PRUNE1: variants seen among roughly 807,000 people sequenced by gnomAD.
The protein encoded by PRUNE1 is prune exopolyphosphatase 1.
In PRUNE1, 25 loss-of-function variants were observed where a neutral mutation model predicts 42.5. The ratio of observed to expected loss-of-function variants is 0.59; its 90% CI spans 0.43 to 0.82. The LOEUF (loss-of-function observed/expected upper bound fraction) is 0.82. Among genes scored for constraint, PRUNE1 ranks in the 40% least tolerant of loss-of-function variants. PRUNE1 has a pLI of 0.00. For synonymous variants in PRUNE1, 203 were observed against 217.1 expected, an observed-to-expected ratio of 0.93 and a Z score of 0.57; for missense variants, 443 against 539.3, an observed-to-expected ratio of 0.82 and a Z score of 1.77.
intron 2 of PRUNE1, among the ~76,000 whole-genome samples, chr1:151,018,201 G>A (rs1430482388): frequency 6.6e-6 from 1 of 152,016 alleles, no homozygotes; most frequent in Non-Finnish European, 1.5e-5. Context: ...CTCTGCCCAG[G>A]TTAGTTCTTG....
chr1:151,017,437 G>A (rs746330456), intron 1 of PRUNE1, among the ~76,000 whole-genome samples: 21 of 152,212 alleles, frequency 1.4e-4, no homozygotes, highest in Non-Finnish European at 2.2e-4. Context: ...GAGGAAGTGT[G>A]TGAAGCCCTA....
chr1:151,033,069 C>T (rs1234523870), intron 7 of PRUNE1, among the ~76,000 whole-genome samples: 7 of 149,774 alleles, frequency 4.7e-5, no homozygotes, highest in East Asian at 2.0e-4. Context: ...CCACTGTGCC[C>T]GGCCTCAAGG....
At chr1:151,009,263 G>A (rs1471040679) in intron 1 of PRUNE1, among the ~76,000 whole-genome samples, 1 of 152,124 alleles carries the variant, frequency 6.6e-6, no homozygotes, top group African/African-American at 2.4e-5. Flanking sequence ...AATCCATCAG[G>A]CATATTTGTT....
rs765151623 is a variant in PRUNE1, at chr1:151,033,864, G to A, written c.992G>A (p.Ser331Asn). 1.2e-6 allele frequency: 2 copies of A among 1,614,030 alleles called. No individual in the cohort carries two copies. Among genetic ancestry groups the A allele is most frequent in the Non-Finnish European group, 8.5e-7 (1 of 1,179,956 alleles). Residue 331 changes from serine to asparagine, a missense_variant, in exon 8 of 8, where the codon AGT becomes AAT. Coordinates refer to ENST00000271620, the MANE Select transcript of PRUNE1 (RefSeq NM_021222.3). ...SPPLKLTPAS[S>N]THPNLHAYLQ... Reference sequence around the variant, plus strand: ...CCCCTGAAGCTGACCCCTGCCTCAAGTACCCACCCTAACCTCCATGCCTAT... The same window carrying A: ...CCCCTGAAGCTGACCCCTGCCTCAAATACCCACCCTAACCTCCATGCCTAT...
chr1:151,011,311 A>C (rs1673757744), intron 1 of PRUNE1, among the ~76,000 whole-genome samples: 1 of 152,196 alleles, frequency 6.6e-6, no homozygotes, highest in African/African-American at 2.4e-5. Flanking sequence ...CACAGAGACA[A>C]TAGGATGTTC....
chr1:151,010,642 G>A (rs114837410), intron 1 of PRUNE1, among the ~76,000 whole-genome samples: 101 of 150,836 alleles, frequency 6.7e-4, no homozygotes, highest in African/African-American at 2.4e-3. Flanking sequence ...AAGACATACT[G>A]GTAGATGCCA....
chr1:151,023,803 A>G (rs1016579906), intron 3 of PRUNE1, among the ~76,000 whole-genome samples: 4 of 152,100 alleles, frequency 2.6e-5, no homozygotes, highest in Non-Finnish European at 5.9e-5. Flanking sequence ...GCTAAAGGAC[A>G]GCAAATGTGG....
In PRUNE1 at chr1:151,034,168, C is replaced by G. The variant is rs768669447; in HGVS notation, c.1296C>G (p.Ala432=). Residue 432 remains alanine (A), a synonymous_variant, in exon 8 of 8, where the codon GCC becomes GCG. Coordinates refer to ENST00000271620, the MANE Select transcript of PRUNE1 (RefSeq NM_021222.3). ...DQGLPKLSAE[A]VFEKCSQISL... ...GGCTGCCTAAACTCTCTGCTGAGGCCGTCTTCGAGAAGTGCAGTCAGATCT... is the reference window on the plus strand; with the variant it reads ...GGCTGCCTAAACTCTCTGCTGAGGCGGTCTTCGAGAAGTGCAGTCAGATCT... 6.2e-7 allele frequency: 1 copy of G among 1,614,112 alleles called. No individual in the cohort carries two copies. The highest frequency in any genetic ancestry group is 1.1e-5 in the South Asian group (1 of 91,082).
In PRUNE1 at chr1:151,017,812, G is replaced by T. The variant is rs1674196157; in HGVS notation, c.40G>T (p.Glu14Ter). 1 of 1,569,002 alleles carries T rather than the reference G, an allele frequency of 6.4e-7. No homozygotes were observed. Among genetic ancestry groups the T allele is most frequent in the Non-Finnish European group, 8.8e-7 (1 of 1,141,300 alleles). Reference protein sequence around the residue: ...YLQGCRAALQESRPLHVVLGN... With the variant: ...YLQGCRAALQ ...GTTTCCCATTTTCCTTTCTCTCCAG[G>T]AGTCCCGACCTCTACATGTTGTGCT... The change falls in exon 2 of 8, where the codon GAG (glutamate) becomes TAG (stop). Residue 14 changes from glutamate to a stop codon, truncating the protein, a stop_gained and splice_region_variant. Transcript: ENST00000271620. LOFTEE classifies it high-confidence loss of function.
In PRUNE1 at chr1:151,033,935, C is replaced by G; in HGVS notation, c.1063C>G (p.Leu355Val). The change falls in exon 8 of 8, where the codon CTC (leucine) becomes GTC (valine). Residue 355 changes from leucine to valine, a missense_variant. Transcript: ENST00000271620. ...CTCTCGAAAGAAACTTCTGCCCCTG[C>G]TCCAGGAAGCCCTGTCAGCATATTT... Reference protein sequence around the residue: ...QVSRKKLLPLLQEALSAYFDS... With the variant: ...QVSRKKLLPLVQEALSAYFDS... The G allele has an allele frequency of 6.2e-7, 1 of 1,614,136 alleles. No homozygotes were observed. The highest frequency in any genetic ancestry group is 1.6e-4 in the Middle Eastern group (1 of 6,062).
intron 4 of PRUNE1, 128 bp downstream of exon 4, chr1:151,024,923 T>C (rs1674730412): frequency 1.0e-6 from 1 of 991,514 alleles, no homozygotes; most frequent in Non-Finnish European, 1.5e-6. Flanking sequence ...TACCAAAAGA[T>C]AGGATTCTTT....
In PRUNE1 at chr1:151,026,453, C is replaced by T. The variant is rs587703021; in HGVS notation, c.679+780C>T. Reference sequence around the variant, plus strand: ...AGCTTGGGCAACGACAGCGAAACTCCGTCTCAAAAAAAAACAAAAAGAGCC... The same window carrying T: ...AGCTTGGGCAACGACAGCGAAACTCTGTCTCAAAAAAAAACAAAAAGAGCC... On this transcript the variant is annotated intron_variant, in intron 5 of 7. Coordinates refer to ENST00000271620, the MANE Select transcript of PRUNE1 (RefSeq NM_021222.3). Among the ~76,000 whole-genome samples, 7 of 150,914 alleles carry T rather than the reference C, an allele frequency of 4.6e-5. No homozygotes were observed. In the East Asian group the frequency reaches 5.8e-4, roughly 13 times the overall value.
intron 1 of PRUNE1, among the ~76,000 whole-genome samples, chr1:151,009,208 C>T (rs1442376547): frequency 6.6e-6 from 1 of 152,122 alleles, no homozygotes; most frequent in Admixed American, 6.6e-5. Flanking sequence ...TAGAAGTAGT[C>T]ACAGTATTTT....
Position 151,033,798 on chromosome 1 carries a change from C to T in PRUNE1, c.934-8C>T, listed in dbSNP as rs770169330. On this transcript the variant is annotated splice_region_variant and splice_polypyrimidine_tract_variant and intron_variant, in intron 7 of 7. Coordinates refer to ENST00000271620, the MANE Select transcript of PRUNE1 (RefSeq NM_021222.3). The stretch of plus-strand genomic sequence containing the variant: ...TGTATCATTTCCCTGTTATTGTCTC[C>T]TCTTTAGATCTGTGAAGTCCTGGAA... 5 of 1,607,922 alleles carry T rather than the reference C, an allele frequency of 3.1e-6. No homozygotes were observed. In the Admixed American group the frequency reaches 5.0e-5, roughly 16 times the overall value.
At position 151,033,960 on chromosome 1, in the gene PRUNE1, T is replaced by A. The variant is rs762803333; in HGVS notation, c.1088T>A (p.Phe363Tyr). The A allele has an allele frequency of 9.3e-6, 15 of 1,614,170 alleles. No homozygotes were observed. In the South Asian group the frequency reaches 1.5e-4, roughly 17 times the overall value. ...CTCCAGGAAGCCCTGTCAGCATATT[T>A]TGACTCCATGAAGATCCCTTCAGGA... ...PLLQEALSAY[F>Y]DSMKIPSGQP... Residue 363 changes from phenylalanine to tyrosine, a missense_variant, in exon 8 of 8, where the codon TTT (phenylalanine) becomes TAT (tyrosine). Coordinates refer to ENST00000271620, the MANE Select transcript of PRUNE1 (RefSeq NM_021222.3).
intron 7 of PRUNE1, among the ~76,000 whole-genome samples, chr1:151,032,578 G>C (rs2102945748): frequency 6.6e-6 from 1 of 151,936 alleles, no homozygotes; most frequent in South Asian, 2.1e-4. Flanking sequence ...GCCAGGCTGG[G>C]TGACACATGC....
At position 151,033,948 on chromosome 1, in the gene PRUNE1, T is replaced by C; in HGVS notation, c.1076T>C (p.Leu359Pro). Residue 359 changes from leucine (L) to proline (P), a missense_variant, in exon 8 of 8, where the codon CTG becomes CCG. Physicochemically the swap from Leu to Pro is moderately conservative, Grantham distance 98 (BLOSUM62 -3). Transcript: ENST00000271620. ...KKLLPLLQEA[L>P]SAYFDSMKIP... ...CTTCTGCCCCTGCTCCAGGAAGCCCTGTCAGCATATTTTGACTCCATGAAG... is the reference window on the plus strand; with the variant it reads ...CTTCTGCCCCTGCTCCAGGAAGCCCCGTCAGCATATTTTGACTCCATGAAG... The C allele has an allele frequency of 6.2e-7, 1 of 1,614,146 alleles. No individual in the cohort carries two copies. Among genetic ancestry groups the C allele is most frequent in the Non-Finnish European group, 8.5e-7 (1 of 1,180,016 alleles).
intron 6 of PRUNE1, among the ~76,000 whole-genome samples, chr1:151,027,745 CTA>C (rs1491235375): frequency 7.9e-6 from 1 of 125,986 alleles, no homozygotes; most frequent in Non-Finnish European, 1.7e-5. Flanking sequence ...CCACACCTAA[CTA>C]GTGTGTGTGT....
At chr1:151,030,766 C>G (rs754599715) in intron 7 of PRUNE1, among the ~76,000 whole-genome samples, 6 of 152,124 alleles carry the variant, frequency 3.9e-5, no homozygotes, top group Non-Finnish European at 8.8e-5. Context: ...AATTACAAGC[C>G]TGAGCCACTG....
Sources: gnomAD v4.1 joint callset for allele counts (sites outside exome capture counted in the v4.1 genomes callset) on GRCh38, gnomAD v4.1.1 for gene constraint, MANE v1.5 for transcripts, NCBI Gene and HGNC (gene_info 2026-07-23, HGNC 2026-07-21) for gene names.